The following CHKA variants were observed in gnomAD, a reference collection of about 807,000 sequenced individuals.
CHKA encodes the protein CHETK-alpha.
In CHKA, 34 loss-of-function variants were observed where a neutral mutation model predicts 60.1. That is an observed-to-expected ratio of 0.57 (90% CI 0.43 to 0.75). CHKA has a LOEUF of 0.75. Ranked by LOEUF, CHKA falls within the 30% of genes least tolerant of loss-of-function variation. The pLI is 0.00. For synonymous variants in CHKA, 217 were observed against 223.1 expected (o/e 0.97, Z 0.24); for missense variants, 563 against 561.3 (o/e 1.00, Z -0.03).
Position 68,064,564 on chromosome 11 carries a change from T to C in CHKA, c.1193A>G (p.Lys398Arg), listed in dbSNP as rs771750521. The C allele has an allele frequency of 6.3e-7, 1 of 1,584,060 alleles. No individual in the cohort carries two copies. Among genetic ancestry groups the C allele is most frequent in the South Asian group, 1.2e-5 (1 of 83,856 alleles). The change falls in exon 10 of 12, where the codon AAA becomes AGA. Residue 398 changes from lysine (K) to arginine (R), a missense_variant. Coordinates refer to ENST00000265689, the MANE Select transcript of CHKA (RefSeq NM_001277.3). ...NDFENLSTEE[K>R]SIIKEEMLLE... ...CAACATTTCTTCTTTTATAATGGAT[T>C]TTTCTTCAGTACTGAGGTTTTCAAA...
intron 1 of CHKA, among the ~76,000 whole-genome samples, chr11:68,102,290 C>T (rs1214838253): frequency 6.6e-6 from 1 of 152,094 alleles, no homozygotes; most frequent in Non-Finnish European, 1.5e-5. Context: ...AGAGGAATCA[C>T]ACTACCTAAC....
chr11:68,110,203 G>A (rs1858080560), intron 1 of CHKA, among the ~76,000 whole-genome samples: 1 of 152,054 alleles, frequency 6.6e-6, no homozygotes, highest in Non-Finnish European at 1.5e-5. Flanking sequence ...TTTCTACGAA[G>A]AACAGGAACA....
At chr11:68,120,379 G>A (rs1022494840) in intron 1 of CHKA, among the ~76,000 whole-genome samples, 9 of 152,182 alleles carry the variant, frequency 5.9e-5, no homozygotes, top group Non-Finnish European at 8.8e-5. Flanking sequence ...CTTGGAGAGG[G>A]AACAAGACAT....
intron 1 of CHKA, among the ~76,000 whole-genome samples, chr11:68,118,466 A>G (rs1280968368): frequency 6.6e-6 from 1 of 152,090 alleles, no homozygotes; most frequent in Admixed American, 6.5e-5. Context: ...AACCAGAATC[A>G]GATTGGGAAA....
At chr11:68,106,892 T>C (rs1385886702) in intron 1 of CHKA, among the ~76,000 whole-genome samples, 1 of 152,178 alleles carries the variant, frequency 6.6e-6, no homozygotes, top group Non-Finnish European at 1.5e-5. Flanking sequence ...ACTGCAGGAA[T>C]GTTTAGCAGC....
rs1856985004 is a variant in CHKA, at chr11:68,081,461, T to C, written c.463-4A>G. On this transcript the variant is annotated splice_region_variant and splice_polypyrimidine_tract_variant and intron_variant, in intron 2 of 11. Coordinates refer to ENST00000265689, the MANE Select transcript of CHKA (RefSeq NM_001277.3). The stretch of plus-strand genomic sequence containing the variant: ...ATCCCTCTTTATTACAGGACCTCTA[T>C]GAATGAGAAAAAGGAAACACTTCTG... 1 of 1,612,202 alleles carries C rather than the reference T, an allele frequency of 6.2e-7. No homozygotes were observed. The highest frequency in any genetic ancestry group is 8.5e-7 in the Non-Finnish European group (1 of 1,178,346).
chr11:68,088,726 C>T (rs372683035), intron 2 of CHKA, among the ~76,000 whole-genome samples: 22 of 152,098 alleles, frequency 1.4e-4, no homozygotes, highest in East Asian at 5.8e-4. Context: ...GAAATCATCC[C>T]GTATTTCTTG....
In CHKA at chr11:68,079,725, C is replaced by T. The variant is rs1856914710; in HGVS notation, c.516+1679G>A. The stretch of plus-strand genomic sequence containing the variant: ...TCATATAAAATTCACATAAAAAAGA[C>T]TGAAATCGGCCGGGCGATTTCATGG... On this transcript the variant is annotated intron_variant, in intron 3 of 11. Transcript: ENST00000265689. 2.0e-5 allele frequency among the ~76,000 whole-genome samples: 3 copies of T among 152,284 alleles called. No individual in the cohort carries two copies. In the South Asian group the frequency reaches 6.2e-4, roughly 32 times the overall value.
intron 1 of CHKA, among the ~76,000 whole-genome samples, chr11:68,106,975 C>A (rs897746659): frequency 6.6e-6 from 1 of 152,100 alleles, no homozygotes; most frequent in South Asian, 2.1e-4. Context: ...CATGTTCGGC[C>A]GGGCATGGTG....
At chr11:68,061,539 G>A (rs1856247959) in intron 11 of CHKA, 2 of 298,568 alleles carry the variant, frequency 6.7e-6, no homozygotes, top group Non-Finnish European at 1.4e-5. Context: ...GAATGAAGTG[G>A]TAACCGATAA....
At chr11:68,068,585 T>C (rs1590840814) in intron 7 of CHKA, among the ~76,000 whole-genome samples, 1 of 152,260 alleles carries the variant, frequency 6.6e-6, no homozygotes, top group Non-Finnish European at 1.5e-5. Context: ...ACCTGGCTAA[T>C]GTTTTTATTT....
chr11:68,102,901 G>A (rs1361467043), intron 1 of CHKA, among the ~76,000 whole-genome samples: 1 of 152,174 alleles, frequency 6.6e-6, no homozygotes, highest in Non-Finnish European at 1.5e-5. Flanking sequence ...GCTGAGGCAA[G>A]AGGATCACTA....
chr11:68,085,139 A>G (rs2134611833), intron 2 of CHKA, among the ~76,000 whole-genome samples: 1 of 152,240 alleles, frequency 6.6e-6, no homozygotes, highest in South Asian at 2.1e-4. Context: ...TTAGCCTGTG[A>G]TGTAGGAAAC....
At chr11:68,066,082 A>C (rs890607512) in intron 8 of CHKA, among the ~76,000 whole-genome samples, 188 bp from the exon 9 acceptor site, 2 of 152,208 alleles carry the variant, frequency 1.3e-5, no homozygotes, top group Non-Finnish European at 2.9e-5. Flanking sequence ...TCAGCATCAC[A>C]GCTGACTAAA....
At chr11:68,061,198 C>G (rs528491419) in intron 11 of CHKA, among the ~76,000 whole-genome samples, 6 of 146,776 alleles carry the variant, frequency 4.1e-5, no homozygotes, top group African/African-American at 1.5e-4. Flanking sequence ...CCTCCACCTC[C>G]TGGGTTCAAG....
chr11:68,097,994 G>A (rs915550109), intron 1 of CHKA, among the ~76,000 whole-genome samples: 6 of 152,044 alleles, frequency 3.9e-5, no homozygotes, highest in Admixed American at 3.3e-4. Flanking sequence ...ACAGGAGGTC[G>A]GGCGCAGTGG....
At chr11:68,095,402 CAAAAAAAAAAAAAAAA>C (rs35029853) in intron 2 of CHKA, among the ~76,000 whole-genome samples, 1 of 12,484 alleles carries the variant, frequency 8.0e-5, no homozygotes, top group East Asian at 3.5e-3. Flanking sequence ...GACTCCATCT[CAAAAAAAAAAAAAAAA>C]AAAAAAAAAA....
At chr11:68,058,871 C>CT (rs899519021) in intron 11 of CHKA, among the ~76,000 whole-genome samples, 5 of 152,122 alleles carry the variant, frequency 3.3e-5, no homozygotes, top group African/African-American at 1.2e-4. Context: ...TCCCTGTTAC[C>CT]ACTAGTGATA....
At chr11:68,108,802 G>A (rs941146753) in intron 1 of CHKA, among the ~76,000 whole-genome samples, 6 of 152,144 alleles carry the variant, frequency 3.9e-5, no homozygotes, top group Non-Finnish European at 5.9e-5. Flanking sequence ...CAGACAGACC[G>A]GCAGATACAG....
Sources: allele counts gnomAD v4.1 joint callset (sites outside exome capture counted in the v4.1 genomes callset), GRCh38; gene constraint gnomAD v4.1.1; transcripts MANE v1.5; gene names NCBI Gene and HGNC (gene_info 2026-07-23, HGNC 2026-07-21).